ARHGAP15: variants seen among roughly 807,000 people sequenced by gnomAD.
The protein encoded by ARHGAP15 is Rho GTPase activating protein 15.
In ARHGAP15, 51 loss-of-function variants were observed where a neutral mutation model predicts 63.7. That is an observed-to-expected ratio of 0.80 (90% CI 0.64 to 1.01). ARHGAP15 has a LOEUF of 1.01. Among genes scored for constraint, ARHGAP15 ranks in the 50% least tolerant of loss-of-function variants. The probability of loss-of-function intolerance (pLI) is 0.00; values close to 1 mark genes in which losing one functional copy is unlikely to be tolerated. For missense variants in ARHGAP15, 560 were observed against 564.6 expected, an observed-to-expected ratio of 0.99 and a Z score of 0.08; for synonymous variants, 191 against 193.8, an observed-to-expected ratio of 0.99 and a Z score of 0.12.
intron 8 of ARHGAP15, among the ~76,000 whole-genome samples, chr2:143,476,153 TA>T (rs1691805562): frequency 6.6e-6 from 1 of 152,180 alleles, no homozygotes; most frequent in South Asian, 2.1e-4. Context: ...TCTTAAAGGA[TA>T]AAAACTATTG....
chr2:143,161,967 C>T (rs894885301), intron 2 of ARHGAP15: 1 of 151,820 alleles, frequency 6.6e-6, no homozygotes, highest in Non-Finnish European at 1.5e-5. Flanking sequence ...CAATAACAAA[C>T]CATGGAATGA....
intron 12 of ARHGAP15, among the ~76,000 whole-genome samples, chr2:143,650,703 T>C (rs1320603576): frequency 6.6e-6 from 1 of 151,982 alleles, no homozygotes; most frequent in Non-Finnish European, 1.5e-5. Flanking sequence ...CATTTGGTAT[T>C]GCTGGGGTTT....
chr2:143,470,179 A>G (rs1247790663), intron 8 of ARHGAP15, among the ~76,000 whole-genome samples: 3 of 151,808 alleles, frequency 2.0e-5, no homozygotes, highest in Non-Finnish European at 4.4e-5. Context: ...TTTTTATTTT[A>G]ATGTATTCTA....
chr2:143,659,104 C>T (rs898968379), intron 12 of ARHGAP15, among the ~76,000 whole-genome samples: 2 of 152,186 alleles, frequency 1.3e-5, no homozygotes, highest in Non-Finnish European at 2.9e-5. Flanking sequence ...CCACTCACTG[C>T]TCATGCAACC....
chr2:143,617,023 T>G (rs1279576585), intron 11 of ARHGAP15, among the ~76,000 whole-genome samples: 1 of 152,158 alleles, frequency 6.6e-6, no homozygotes, highest in Non-Finnish European at 1.5e-5. Flanking sequence ...AAAACGGCAA[T>G]CATGATTTTA....
At chr2:143,615,837 A>G (rs1270165522) in intron 11 of ARHGAP15, among the ~76,000 whole-genome samples, 2 of 152,176 alleles carry the variant, frequency 1.3e-5, no homozygotes, top group African/African-American at 4.8e-5. Flanking sequence ...GAAATCATCC[A>G]TGGAATTCCA....
chr2:143,650,392 A>T (rs781424991), intron 12 of ARHGAP15, among the ~76,000 whole-genome samples: 42 of 152,024 alleles, frequency 2.8e-4, no homozygotes, highest in Non-Finnish European at 4.9e-4. Context: ...TCAGATCTGT[A>T]GTTTGCTTCT....
rs1490866906 is a variant in ARHGAP15 at position 143,624,177 on chromosome 2, G to A, written c.1048G>A (p.Val350Ile). 1 of 1,613,590 alleles carries A rather than the reference G, an allele frequency of 6.2e-7. No individual in the cohort carries two copies. The highest frequency in any genetic ancestry group is 8.5e-7 in the Non-Finnish European group (1 of 1,179,720). The change falls in exon 12 of 14, where the codon GTT becomes ATT. Residue 350 changes from valine (V) to isoleucine (I), a missense_variant. Physicochemically the swap from Val to Ile is conservative, Grantham distance 29 (BLOSUM62 3). Coordinates refer to ENST00000295095, the MANE Select transcript of ARHGAP15 (RefSeq NM_018460.4). ...CGACAGCCAGTGGGAGGACATCCAC[G>A]TTGTCACCGGAGCACTGAAGATGTT... ...LDDSQWEDIH[V>I]VTGALKMFFR...
intron 6 of ARHGAP15, among the ~76,000 whole-genome samples, chr2:143,343,494 G>A (rs902500094): frequency 1.3e-5 from 2 of 152,102 alleles, no homozygotes; most frequent in Non-Finnish European, 1.5e-5. Flanking sequence ...TTACAGCAAT[G>A]AGAAATCTTT....
chr2:143,438,918 T>C (rs888754070), intron 8 of ARHGAP15, among the ~76,000 whole-genome samples: 3 of 152,126 alleles, frequency 2.0e-5, no homozygotes, highest in African/African-American at 7.2e-5. Flanking sequence ...TTCTAAAACC[T>C]GAGCTATGGA....
At chr2:143,271,525 G>C (rs957339056) in intron 6 of ARHGAP15, among the ~76,000 whole-genome samples, 3 of 152,244 alleles carry the variant, frequency 2.0e-5, no homozygotes, top group Non-Finnish European at 4.4e-5. Flanking sequence ...GCCCAGGCTT[G>C]AGTGCAGTGG....
At chr2:143,646,315 T>G (rs912221547) in intron 12 of ARHGAP15, among the ~76,000 whole-genome samples, 3 of 152,066 alleles carry the variant, frequency 2.0e-5, no homozygotes, top group African/African-American at 7.2e-5. Flanking sequence ...AAAAAGATTG[T>G]GATATGAGAC....
chr2:143,419,150 GAAA>G (rs35621298), intron 6 of ARHGAP15, among the ~76,000 whole-genome samples: 1 of 150,626 alleles, frequency 6.6e-6, no homozygotes, highest in Non-Finnish European at 1.5e-5. Flanking sequence ...GAAATTCTAA[GAAA>G]AAAAAACCAC....
At chr2:143,538,272 A>G (rs902306562) in intron 10 of ARHGAP15, among the ~76,000 whole-genome samples, 10 of 152,086 alleles carry the variant, frequency 6.6e-5, no homozygotes, top group Non-Finnish European at 1.3e-4. Context: ...GCTTAAGGAG[A>G]TTTTGGGCTG....
chr2:143,601,068 G>A (rs1175724504), intron 11 of ARHGAP15, among the ~76,000 whole-genome samples: 2 of 152,118 alleles, frequency 1.3e-5, no homozygotes, highest in East Asian at 1.9e-4. Context: ...TGAACGTTTG[G>A]CTGAAGAACA....
chr2:143,274,155 T>C (rs564608238), intron 6 of ARHGAP15, among the ~76,000 whole-genome samples: 2 of 152,312 alleles, frequency 1.3e-5, no homozygotes, highest in Admixed American at 6.5e-5. Flanking sequence ...AACATAAATA[T>C]ATTAGATAAC....
At chr2:143,212,584 T>C (rs994080968) in intron 3 of ARHGAP15, among the ~76,000 whole-genome samples, 1 of 152,188 alleles carries the variant, frequency 6.6e-6, no homozygotes, top group African/African-American at 2.4e-5. Context: ...CCTAGAGCTG[T>C]AAGTAATTTT....
intron 11 of ARHGAP15, among the ~76,000 whole-genome samples, chr2:143,606,290 T>G (rs960278906): frequency 1.2e-4 from 19 of 152,272 alleles, no homozygotes; most frequent in Admixed American, 3.3e-4. Context: ...GAGTGGTTAT[T>G]TCATTGAACT....
intron 11 of ARHGAP15, among the ~76,000 whole-genome samples, chr2:143,610,166 A>T (rs1698197719): frequency 6.6e-6 from 1 of 152,090 alleles, no homozygotes; most frequent in African/African-American, 2.4e-5. Context: ...GCCTCGAATG[A>T]TGGAATTAGA....
Sources: gnomAD v4.1 joint callset for allele counts (sites outside exome capture counted in the v4.1 genomes callset) on GRCh38, gnomAD v4.1.1 for gene constraint, MANE v1.5 for transcripts, NCBI Gene and HGNC (gene_info 2026-07-23, HGNC 2026-07-21) for gene names.